The following TRMT11 variants were observed in gnomAD, a reference collection of about 807,000 sequenced individuals.
The protein encoded by TRMT11 is tRNA methyltransferase 11.
A neutral mutation model predicts 62.8 loss-of-function variants in TRMT11; 53 were observed. The ratio of observed to expected loss-of-function variants is 0.84; its 90% CI spans 0.68 to 1.06. The LOEUF (loss-of-function observed/expected upper bound fraction) is 1.06. Among genes scored for constraint, TRMT11 ranks in the 50% least tolerant of loss-of-function variants. TRMT11 has a pLI of 0.00. For missense variants in TRMT11, 556 were observed against 553.4 expected, an observed-to-expected ratio of 1.00 and a Z score of -0.05; for synonymous variants, 188 against 190.3, an observed-to-expected ratio of 0.99 and a Z score of 0.10.
At chr6:126,164,941 G>C (rs1377782218) in intron 21 of TRMT11, among the ~76,000 whole-genome samples, 1 of 152,088 alleles carries the variant, frequency 6.6e-6, no homozygotes, top group African/African-American at 2.4e-5. Flanking sequence ...CAATGTGCTA[G>C]TCTGTGTCTT....
At chr6:126,225,503 C>T in the TRMT11 span, among the ~76,000 whole-genome samples, 2 of 151,794 alleles carry the variant, frequency 1.3e-5, no homozygotes, top group African/African-American at 2.4e-5. Flanking sequence ...AGGACTGTGC[C>T]GATCTTCTTG....
chr6:126,046,875 C>A (rs1243699215), intron 16 of TRMT11, among the ~76,000 whole-genome samples: 2 of 152,116 alleles, frequency 1.3e-5, no homozygotes, highest in Non-Finnish European at 2.9e-5. Flanking sequence ...CTTTTCTGCC[C>A]TATAAGTGCT....
At chr6:126,116,011 AG>A (rs1442981883) in intron 21 of TRMT11, among the ~76,000 whole-genome samples, 2 of 141,440 alleles carry the variant, frequency 1.4e-5, no homozygotes, top group Non-Finnish European at 3.0e-5. Context: ...CTGTTACCTT[AG>A]GGTCCTTTTT....
intron 17 of TRMT11, among the ~76,000 whole-genome samples, chr6:126,070,039 C>T (rs1018435892): frequency 1.3e-5 from 2 of 152,036 alleles, no homozygotes; most frequent in Non-Finnish European, 2.9e-5. Context: ...TGACATGAAT[C>T]AAAATAAAAC....
At chr6:126,034,329 CAT>C in intron 12 of TRMT11, among the ~76,000 whole-genome samples, 1 of 152,128 alleles carries the variant, frequency 6.6e-6, no homozygotes, top group South Asian at 2.1e-4. Context: ...TGTAATAACA[CAT>C]AGTTTGGTAG....
the TRMT11 span, chr6:126,257,935 G>T: frequency 1.9e-6 from 3 of 1,548,862 alleles, no homozygotes; most frequent in South Asian, 3.3e-5. Context: ...TTCTTCTGGG[G>T]TGTGCTCAGC....
At chr6:126,224,354 G>T in the TRMT11 span, among the ~76,000 whole-genome samples, 8 of 152,294 alleles carry the variant, frequency 5.3e-5, no homozygotes, top group South Asian at 1.7e-3. Flanking sequence ...CTTGGGGTTT[G>T]ACTGTGGTAT....
chr6:125,989,229 GTGATT>G (rs1269228707), intron 1 of TRMT11, among the ~76,000 whole-genome samples: 1 of 146,238 alleles, frequency 6.8e-6, no homozygotes, highest in Admixed American at 7.2e-5. Flanking sequence ...CCCTATTCAA[GTGATT>G]CACCTGCCTC....
intron 1 of TRMT11, among the ~76,000 whole-genome samples, chr6:126,192,068 C>G (rs967475209): frequency 6.6e-6 from 1 of 152,088 alleles, no homozygotes; most frequent in East Asian, 1.9e-4. Flanking sequence ...ATTAATTATC[C>G]CAATCCATGA....
At chr6:126,248,106 C>T in the TRMT11 span, among the ~76,000 whole-genome samples, 1 of 152,014 alleles carries the variant, frequency 6.6e-6, no homozygotes, top group Non-Finnish European at 1.5e-5. Context: ...CAGCCAAACT[C>T]TAAAGCAAGA....
chr6:126,011,545 G>GCTT (rs969879683), intron 9 of TRMT11, 128 bp downstream of exon 9: 1 of 714,360 alleles, frequency 1.4e-6, no homozygotes, highest in African/African-American at 1.8e-5. Context: ...TCTACCCCCA[G>GCTT]CTTCTTCATC....
intron 17 of TRMT11, among the ~76,000 whole-genome samples, chr6:126,064,178 A>C (rs1486745407): frequency 6.6e-6 from 1 of 151,676 alleles, no homozygotes; most frequent in African/African-American, 2.4e-5. Context: ...GTTGGTTCTG[A>C]CTCATGAGCA....
At chr6:125,991,272 A>T (rs559294983) in intron 1 of TRMT11, among the ~76,000 whole-genome samples, 17 of 150,506 alleles carry the variant, frequency 1.1e-4, no homozygotes, top group African/African-American at 4.2e-4. Flanking sequence ...TTTTTTTTGG[A>T]GACTGTTCTC....
intron 21 of TRMT11, among the ~76,000 whole-genome samples, chr6:126,141,295 A>G (rs1450615540): frequency 2.0e-5 from 3 of 152,150 alleles, no homozygotes; most frequent in African/African-American, 7.2e-5. Flanking sequence ...AATAAAATGA[A>G]CAAATAATTA....
chr6:126,082,455 T>A (rs1358049492), intron 17 of TRMT11, among the ~76,000 whole-genome samples: 2 of 152,164 alleles, frequency 1.3e-5, no homozygotes, highest in Non-Finnish European at 2.9e-5. Context: ...TTGTGTTCTC[T>A]TGTTGGAAGA....
At chr6:126,021,840 G>A (rs1409453846) in intron 12 of TRMT11, among the ~76,000 whole-genome samples, 3 of 152,018 alleles carry the variant, frequency 2.0e-5, no homozygotes, top group Admixed American at 2.0e-4. Context: ...AGAATGAAAC[G>A]TTTGTTATTT....
chr6:126,143,293 T>C (rs1247870853), intron 21 of TRMT11, among the ~76,000 whole-genome samples: 1 of 152,158 alleles, frequency 6.6e-6, no homozygotes, highest in African/African-American at 2.4e-5. Flanking sequence ...TTGAATCTTC[T>C]CCTAGAAGCC....
At chr6:126,130,991 G>A (rs1053395262) in intron 21 of TRMT11, among the ~76,000 whole-genome samples, 5 of 152,042 alleles carry the variant, frequency 3.3e-5, no homozygotes, top group African/African-American at 4.8e-5. Flanking sequence ...CTATAATTAC[G>A]AAGCACGCAG....
Position 125,993,771 on chromosome 6 carries a change from G to T in TRMT11, c.87G>T (p.Leu29Phe). 1 of 1,608,254 alleles carries T rather than the reference G, an allele frequency of 6.2e-7. No individual in the cohort carries two copies. Among genetic ancestry groups the T allele is most frequent in the African/African-American group, 1.3e-5 (1 of 74,822 alleles). ...TTTCAATACAGGAAATAAAGTCTTT[G>T]CTTTTGCTTTTTGGAGGTCAGTTTG... is the stretch of plus-strand genomic sequence containing the variant. Reference protein sequence around the residue: ...LEFRLPEIKSLLLLFGGQFAS... With the variant: ...LEFRLPEIKSFLLLFGGQFAS... The change falls in exon 2 of 13, where the codon TTG (leucine) becomes TTT (phenylalanine). Residue 29 changes from leucine to phenylalanine, a missense_variant. Transcript: ENST00000334379.
Sources: gnomAD v4.1 joint callset for allele counts (sites outside exome capture counted in the v4.1 genomes callset) on GRCh38, gnomAD v4.1.1 for gene constraint, MANE v1.5 for transcripts, NCBI Gene and HGNC (gene_info 2026-07-23, HGNC 2026-07-21) for gene names.